Variants in SRGAP3 observed in about 807,000 individuals in gnomAD.
SRGAP3 encodes the protein SLIT-ROBO Rho GTPase-activating protein 3.
A neutral mutation model predicts 121.1 loss-of-function variants in SRGAP3; 39 were observed. The ratio of observed to expected loss-of-function variants is 0.32; its 90% CI spans 0.25 to 0.42. The LOEUF is 0.42. SRGAP3 is among the 10% of genes least tolerant of loss of function. The pLI, the probability that SRGAP3 is intolerant of heterozygous loss-of-function variation, is 1.00. For synonymous variants in SRGAP3, 601 were observed against 570.0 expected (o/e 1.05, Z -0.77); for missense variants, 1,213 against 1,470.6 (o/e 0.82, Z 2.86).
intron 1 of SRGAP3, among the ~76,000 whole-genome samples, chr3:9,139,672 A>G (rs766980656): frequency 2.6e-5 from 4 of 152,252 alleles, no homozygotes; most frequent in Non-Finnish European, 4.4e-5. Flanking sequence ...GTCAGCAAGT[A>G]TGTGGCAATT....
At chr3:9,259,907 G>A (rs1003815234) in intron 3 of SRGAP3, among the ~76,000 whole-genome samples, 1 of 151,978 alleles carries the variant, frequency 6.6e-6, no homozygotes, top group African/African-American at 2.4e-5. Flanking sequence ...CTCCCAGCGA[G>A]ACCAAGAAGA....
chr3:9,329,993 C>T (rs1559279931), intron 2 of SRGAP3, among the ~76,000 whole-genome samples: 2 of 152,164 alleles, frequency 1.3e-5, no homozygotes, highest in African/African-American at 4.8e-5. Flanking sequence ...TTGGAATGTT[C>T]CACTGCAAGT....
At chr3:9,303,231 C>T (rs542279565) in intron 3 of SRGAP3, among the ~76,000 whole-genome samples, 5 of 152,218 alleles carry the variant, frequency 3.3e-5, no homozygotes, top group Admixed American at 6.5e-5. Context: ...TCAAGACCAG[C>T]CTGGCCAACA....
intron 1 of SRGAP3, among the ~76,000 whole-genome samples, chr3:9,352,040 A>C (rs567624104): frequency 1.3e-5 from 2 of 152,214 alleles, no homozygotes. Flanking sequence ...GGAACCAGCC[A>C]ATTAAGAGAG....
intron 1 of SRGAP3, chr3:9,349,068 C>T: frequency 1.0e-6 from 1 of 959,594 alleles, no homozygotes; most frequent in Non-Finnish European, 1.7e-6. Flanking sequence ...CTGAACCTGC[C>T]CACTGGTATT....
intron 3 of SRGAP3, among the ~76,000 whole-genome samples, chr3:9,316,123 A>T (rs1418462803): frequency 6.6e-6 from 1 of 152,024 alleles, no homozygotes; most frequent in Non-Finnish European, 1.5e-5. Context: ...ATCTCAGCTC[A>T]TTGCAACCTC....
At chr3:9,316,670 T>A (rs1231535111) in intron 3 of SRGAP3, among the ~76,000 whole-genome samples, 3 of 151,956 alleles carry the variant, frequency 2.0e-5, no homozygotes, top group African/African-American at 4.8e-5. Flanking sequence ...CAAAAAAAAA[T>A]TAATATAGCA....
At chr3:9,292,694 C>A (rs1359737963) in intron 3 of SRGAP3, 2 of 152,034 alleles carry the variant, frequency 1.3e-5, no homozygotes, top group Non-Finnish European at 2.9e-5. Context: ...AGCAAAGAAA[C>A]CTGATGTTTT....
intron 1 of SRGAP3, among the ~76,000 whole-genome samples, chr3:9,179,825 G>C (rs549590901): frequency 6.6e-6 from 1 of 152,374 alleles, no homozygotes; most frequent in South Asian, 2.1e-4. Context: ...TAGAGGTCAA[G>C]CGACTAGCCC....
intron 11 of SRGAP3, chr3:9,037,767 G>A (rs1944824202): frequency 2.0e-6 from 1 of 507,544 alleles, no homozygotes; most frequent in Non-Finnish European, 3.6e-6. Context: ...GCCACTCTGA[G>A]TAGACAATAC....
chr3:9,106,242 G>T (rs551349767), intron 2 of SRGAP3, among the ~76,000 whole-genome samples: 4 of 152,304 alleles, frequency 2.6e-5, no homozygotes, highest in Admixed American at 2.0e-4. Context: ...TTCCTGCCAC[G>T]CAGGGCACCT....
intron 3 of SRGAP3, among the ~76,000 whole-genome samples, chr3:9,273,063 T>C (rs778818933): frequency 6.6e-6 from 1 of 152,106 alleles, no homozygotes; most frequent in Non-Finnish European, 1.5e-5. Context: ...AAGGACGAGG[T>C]TGCAAGGAGA....
chr3:9,237,570 C>T (rs1391559801), intron 1 of SRGAP3, among the ~76,000 whole-genome samples: 1 of 152,198 alleles, frequency 6.6e-6, no homozygotes, highest in African/African-American at 2.4e-5. Context: ...GGCATGCAAC[C>T]TCAAAGCAGA....
At position 8,994,495 on chromosome 3, in the gene SRGAP3, C is replaced by T; in HGVS notation, c.2256G>A (p.Lys752=). ...EEVEQIEAIA[K]FDYMGRSPRE... ...GCGGGGACCGCCCCATGTAGTCAAA[C>T]TTGGCAATAGCCTCGATCTGCTCCA... Residue 752 remains lysine, a synonymous_variant, in exon 19 of 22, where the codon AAG becomes AAA. Coordinates refer to ENST00000383836, the MANE Select transcript of SRGAP3 (RefSeq NM_014850.4). The T allele has an allele frequency of 6.2e-7, 1 of 1,614,098 alleles. No homozygotes were observed. Among genetic ancestry groups the T allele is most frequent in the Non-Finnish European group, 8.5e-7 (1 of 1,180,028 alleles).
At chr3:9,200,125 T>C (rs1050165184) in intron 1 of SRGAP3, among the ~76,000 whole-genome samples, 2 of 152,166 alleles carry the variant, frequency 1.3e-5, no homozygotes, top group Non-Finnish European at 2.9e-5. Flanking sequence ...GGAGCATAGC[T>C]ACAGCCAAGA....
chr3:9,019,732 CCTGCACCAAGG>C (rs1192498270), intron 14 of SRGAP3, among the ~76,000 whole-genome samples: 1 of 152,232 alleles, frequency 6.6e-6, no homozygotes, highest in African/African-American at 2.4e-5. Context: ...CCCCTGCCTT[CCTGCACCAAGG>C]CTTGCAGTGT....
At chr3:9,312,713 A>G (rs759052113) in intron 3 of SRGAP3, among the ~76,000 whole-genome samples, 4 of 152,190 alleles carry the variant, frequency 2.6e-5, no homozygotes, top group Non-Finnish European at 4.4e-5. Flanking sequence ...GGCTGGGCGC[A>G]GTGATTCACA....
At chr3:9,154,448 C>G (rs537734379) in intron 1 of SRGAP3, among the ~76,000 whole-genome samples, 2 of 151,892 alleles carry the variant, frequency 1.3e-5, no homozygotes, top group East Asian at 3.9e-4. Context: ...CTCAGCCCCA[C>G]CCCCCATCAA....
At chr3:9,304,618 T>C (rs1370428451) in intron 3 of SRGAP3, among the ~76,000 whole-genome samples, 1 of 152,066 alleles carries the variant, frequency 6.6e-6, no homozygotes. Context: ...CTACAGCGAG[T>C]GGCCGGTGCT....
Sources: allele counts gnomAD v4.1 joint callset (sites outside exome capture counted in the v4.1 genomes callset), GRCh38; gene constraint gnomAD v4.1.1; transcripts MANE v1.5; gene names NCBI Gene and HGNC (gene_info 2026-07-23, HGNC 2026-07-21).